Variants in SP100 observed in about 807,000 individuals in gnomAD.
SP100 encodes nuclear autoantigen Sp-100.
In SP100, 84 loss-of-function variants were observed where a neutral mutation model predicts 130.0. The observed-to-expected ratio is 0.65, with a 90% CI of 0.54 to 0.77. SP100 has a LOEUF of 0.77. Ranked by LOEUF, SP100 falls within the 30% of genes least tolerant of loss-of-function variation. The pLI is 0.00. For synonymous variants in SP100, 331 were observed against 351.7 expected, an observed-to-expected ratio of 0.94 and a Z score of 0.66; for missense variants, 978 against 1,052.2, an observed-to-expected ratio of 0.93 and a Z score of 0.97.
chr2:230,480,104 ACACTCTGC>A (rs2065762872), intron 17 of SP100, among the ~76,000 whole-genome samples: 3 of 152,170 alleles, frequency 2.0e-5, no homozygotes, highest in African/African-American at 7.2e-5. Flanking sequence ...TTTCCACAAA[ACACTCTGC>A]CATCTTCTGT....
intron 24 of SP100, among the ~76,000 whole-genome samples, chr2:230,528,452 C>A (rs1259394827): frequency 6.6e-6 from 1 of 152,186 alleles, no homozygotes; most frequent in Non-Finnish European, 1.5e-5. Context: ...ATTTATAGCA[C>A]TAAATGCCCA....
intron 17 of SP100, among the ~76,000 whole-genome samples, chr2:230,488,209 C>A (rs1284468196): frequency 6.6e-6 from 1 of 152,182 alleles, no homozygotes; most frequent in Non-Finnish European, 1.5e-5. Flanking sequence ...CTGGCCAGAA[C>A]TTCCAATACT....
chr2:230,437,310 T>A (rs1268197511), intron 2 of SP100, among the ~76,000 whole-genome samples: 3 of 152,138 alleles, frequency 2.0e-5, no homozygotes, highest in Non-Finnish European at 4.4e-5. Context: ...TTGTCATTGG[T>A]TTTCTCTTTC....
At chr2:230,534,136 G>A (rs976586393) in intron 24 of SP100, among the ~76,000 whole-genome samples, 8 of 152,180 alleles carry the variant, frequency 5.3e-5, no homozygotes, top group East Asian at 1.9e-4. Context: ...CAGCGGGTGC[G>A]GTGGCTCACG....
At chr2:230,419,334 G>T (rs1042546738) in intron 2 of SP100, among the ~76,000 whole-genome samples, 20 of 152,198 alleles carry the variant, frequency 1.3e-4, no homozygotes, top group Non-Finnish European at 2.2e-4. Context: ...ATCCTGCCCA[G>T]GATGTGAACC....
intron 4 of SP100, among the ~76,000 whole-genome samples, chr2:230,445,622 A>G (rs2063677176): frequency 6.6e-6 from 1 of 152,214 alleles, no homozygotes; most frequent in African/African-American, 2.4e-5. Flanking sequence ...AATAATTTCT[A>G]TAGCAAAAAT....
chr2:230,478,173 T>G (rs1202075047), intron 17 of SP100, among the ~76,000 whole-genome samples: 2 of 152,194 alleles, frequency 1.3e-5, no homozygotes, highest in African/African-American at 4.8e-5. Flanking sequence ...TCTCAAAATC[T>G]TTATTTAAAA....
intron 11 of SP100, 25 bp downstream of exon 11, chr2:230,464,175 G>A (rs1365076554): frequency 6.6e-6 from 9 of 1,365,330 alleles, no homozygotes; most frequent in Admixed American, 3.4e-5. Context: ...GTTGCAACCC[G>A]AGACTGTAGA....
intron 9 of SP100, among the ~76,000 whole-genome samples, chr2:230,461,793 A>G (rs2064654804): frequency 1.3e-5 from 2 of 151,900 alleles, no homozygotes; most frequent in Admixed American, 1.3e-4. Flanking sequence ...TACAAAAAAT[A>G]TAAAAATTAG....
intron 25 of SP100, among the ~76,000 whole-genome samples, chr2:230,540,536 TTG>T (rs1258845673): frequency 6.6e-6 from 1 of 152,312 alleles, no homozygotes; most frequent in African/African-American, 2.4e-5. Context: ...GCCCAACACT[TTG>T]TGCTTAAGGT....
intron 18 of SP100, among the ~76,000 whole-genome samples, chr2:230,497,145 C>T (rs1348466662): frequency 1.3e-5 from 2 of 152,088 alleles, no homozygotes; most frequent in African/African-American, 4.8e-5. Flanking sequence ...CAAAGGAAGT[C>T]CCAAGAGCTC....
intron 8 of SP100, among the ~76,000 whole-genome samples, chr2:230,456,981 T>A (rs1337328847): frequency 6.6e-6 from 1 of 152,272 alleles, no homozygotes; most frequent in African/African-American, 2.4e-5. Flanking sequence ...TTGGTTTTTA[T>A]GTTTCTTGTT....
At chr2:230,511,219 G>A in intron 24 of SP100, 53 bp downstream of exon 24, 1 of 1,196,322 alleles carries the variant, frequency 8.4e-7, no homozygotes, top group Non-Finnish European at 1.3e-6. Flanking sequence ...CTTTCTCCAG[G>A]CACACTATGT....
rs1692232885 is a variant in SP100, at chr2:230,542,821, T to C, written c.2548-15T>C. On this transcript the variant is annotated splice_polypyrimidine_tract_variant and intron_variant, in intron 28 of 28. Coordinates refer to ENST00000340126, the MANE Select transcript of SP100 (RefSeq NM_001080391.2). ...TTGCATAACTGCTATATTGTTTTTT[T>C]CTTTGCTTTTTTAGGAAGATAAATT... The C allele has an allele frequency of 1.3e-6, 2 of 1,524,706 alleles. No homozygotes were observed. Among genetic ancestry groups the C allele is most frequent in the Non-Finnish European group, 1.8e-6 (2 of 1,099,048 alleles). The allele number at this position is 1,524,706 out of a possible 1,614,324, so 94.4% of individuals were successfully genotyped here.
chr2:230,460,997 A>T (rs2064576803), intron 8 of SP100, among the ~76,000 whole-genome samples: 1 of 138,960 alleles, frequency 7.2e-6, no homozygotes, highest in East Asian at 2.1e-4. Context: ...CATGTGTCTT[A>T]TACTGCAATT....
intron 11 of SP100, among the ~76,000 whole-genome samples, chr2:230,465,595 T>C (rs1023630647): frequency 6.6e-6 from 1 of 152,078 alleles, no homozygotes; most frequent in East Asian, 1.9e-4. Context: ...TACTTGAGGA[T>C]GGAGGGTTGG....
intron 8 of SP100, 46 bp from the exon 9 acceptor site, chr2:230,461,216 G>T: frequency 1.3e-6 from 2 of 1,572,656 alleles, no homozygotes; most frequent in Non-Finnish European, 1.7e-6. Context: ...TAGTGAAGGA[G>T]GTTCACTGGG....
rs935625672 is a variant in SP100 at position 230,544,760 on chromosome 2, C to T, written c.*1814C>T. 2.0e-5 allele frequency among the ~76,000 whole-genome samples: 3 copies of T among 152,202 alleles called. No individual in the cohort carries two copies. The highest frequency in any genetic ancestry group is 7.2e-5 in the African/African-American group (3 of 41,444). ...CCTCCCAAAGTGCTGGGATTACAGG[C>T]ATCAGCCACCATGCCCGGATGAAAA... On this transcript the variant is annotated 3_prime_UTR_variant, in exon 29 of 29. Coordinates refer to ENST00000340126, the MANE Select transcript of SP100 (RefSeq NM_001080391.2).
rs1207211057 is a variant in SP100 at position 230,438,700 on chromosome 2, ATAT to A, written c.108-4236_108-4234del. On this transcript the variant is annotated intron_variant, in intron 2 of 28. Transcript: ENST00000340126. ...ACACACACACACATATGGTATATATATATGTGTATACATGTATATGTGTATATA... is the reference window on the plus strand; with the variant it reads ...ACACACACACACATATGGTATATATAGTGTATACATGTATATGTGTATATA... 1.0e-4 allele frequency among the ~76,000 whole-genome samples: 15 copies of A among 149,774 alleles called. No homozygotes were observed. In the East Asian group the frequency reaches 2.9e-3, roughly 29 times the overall value.
Sources: allele counts gnomAD v4.1 joint callset (sites outside exome capture counted in the v4.1 genomes callset), GRCh38; gene constraint gnomAD v4.1.1; transcripts MANE v1.5; gene names NCBI Gene and HGNC (gene_info 2026-07-23, HGNC 2026-07-21).